The following EIF4E variants were observed in gnomAD, a reference collection of about 807,000 sequenced individuals.
EIF4E encodes eukaryotic translation initiation factor 4E.
For missense variants in EIF4E, 113 were observed against 265.6 expected (o/e 0.43, Z 3.99); for synonymous variants, 71 against 88.5 (o/e 0.80, Z 1.11).
In EIF4E at chr4:98,888,234, A is replaced by G. The variant is rs546017095; in HGVS notation, c.222-282T>C. Among the ~76,000 whole-genome samples, 64 of 152,342 alleles carry G rather than the reference A, an allele frequency of 4.2e-4. No individual in the cohort carries two copies. In the South Asian group the frequency reaches 7.5e-3, roughly 18 times the overall value. On this transcript the variant is annotated intron_variant, in intron 3 of 6. Transcript: ENST00000450253. ...ACTCAGTGCATACATATGTATATAT[A>G]TAAGAAACTGAGAAGAGAGGTATAA...
intron 2 of EIF4E, among the ~76,000 whole-genome samples, chr4:98,893,421 C>T (rs1397426101): frequency 6.6e-6 from 1 of 152,216 alleles, no homozygotes; most frequent in African/African-American, 2.4e-5. Context: ...GAATTTCTTT[C>T]AAAATTGGAG....
At chr4:98,886,370 T>C (rs1228624197) in intron 5 of EIF4E, 1 of 342,600 alleles carries the variant, frequency 2.9e-6, no homozygotes, top group South Asian at 2.3e-5. Context: ...TCACAACATG[T>C]AGGTCAAATG....
intron 6 of EIF4E, among the ~76,000 whole-genome samples, chr4:98,881,372 T>C (rs1723685923): frequency 6.6e-6 from 1 of 152,120 alleles, no homozygotes; most frequent in African/African-American, 2.4e-5. Flanking sequence ...AGGTATGTTA[T>C]TACTAAATTA....
At chr4:98,895,670 C>T (rs572544812) in intron 2 of EIF4E, 3 of 152,318 alleles carry the variant, frequency 2.0e-5, no homozygotes, top group South Asian at 2.1e-4. Context: ...AAACCACCAA[C>T]GAGGTCAAGT....
At chr4:98,926,846 T>A (rs960648649) in intron 1 of EIF4E, among the ~76,000 whole-genome samples, 8 of 152,224 alleles carry the variant, frequency 5.3e-5, no homozygotes, top group Non-Finnish European at 8.8e-5. Flanking sequence ...CTATTAATAT[T>A]TACTAACTCA....
intron 2 of EIF4E, among the ~76,000 whole-genome samples, chr4:98,900,007 T>A (rs1248639473): frequency 2.0e-5 from 3 of 151,506 alleles, no homozygotes; most frequent in East Asian, 1.9e-4. Flanking sequence ...TTTTTTTTTT[T>A]AAACTGATGA....
chr4:98,917,131 C>CAAA (rs1351581887), intron 1 of EIF4E, among the ~76,000 whole-genome samples: 2 of 52,558 alleles, frequency 3.8e-5, no homozygotes, highest in Non-Finnish European at 7.4e-5. Flanking sequence ...CACACACACA[C>CAAA]ACAAAAAAAA....
intron 1 of EIF4E, among the ~76,000 whole-genome samples, chr4:98,923,303 A>C (rs200657039): frequency 6.7e-6 from 1 of 149,666 alleles, no homozygotes; most frequent in Non-Finnish European, 1.5e-5. Flanking sequence ...CACACACGCA[A>C]AATCATTTTC....
chr4:98,915,937 T>C (rs1725358936), intron 1 of EIF4E, among the ~76,000 whole-genome samples: 1 of 150,866 alleles, frequency 6.6e-6, no homozygotes, highest in South Asian at 2.1e-4. Flanking sequence ...ATGCCTGTAA[T>C]CCCAGCACTT....
At chr4:98,899,218 T>G (rs1207969216) in intron 2 of EIF4E, among the ~76,000 whole-genome samples, 2 of 152,072 alleles carry the variant, frequency 1.3e-5, no homozygotes, top group African/African-American at 4.8e-5. Context: ...ATTCCATAAC[T>G]TGTTAGCTTG....
At chr4:98,903,360 GTT>G (rs377361249) in intron 1 of EIF4E, 112 of 383,686 alleles carry the variant, frequency 2.9e-4, no homozygotes, top group East Asian at 6.4e-4. Context: ...AAGAATATGG[GTT>G]TTTTTTTTTT....
chr4:98,901,463 C>A (rs541938382), intron 2 of EIF4E, among the ~76,000 whole-genome samples: 1 of 152,026 alleles, frequency 6.6e-6, no homozygotes, highest in African/African-American at 2.4e-5. Context: ...CCTCCGCCTC[C>A]GCCTCCTGAA....
chr4:98,884,750 A>T (rs1326830561), intron 6 of EIF4E, among the ~76,000 whole-genome samples, 172 bp downstream of exon 6: 1 of 152,066 alleles, frequency 6.6e-6, no homozygotes, highest in African/African-American at 2.4e-5. Context: ...AACCCAAAAA[A>T]ACAAGACGTT....
At chr4:98,889,157 C>CA (rs35752327) in intron 3 of EIF4E, among the ~76,000 whole-genome samples, 2,876 of 135,646 alleles carry the variant, frequency 0.021, 76 homozygotes, top group African/African-American at 0.068. Context: ...GACTCCATCT[C>CA]AAAAAAAAAA....
intron 1 of EIF4E, among the ~76,000 whole-genome samples, chr4:98,918,625 C>T (rs1181041107): frequency 1.3e-5 from 2 of 151,808 alleles, no homozygotes; most frequent in Admixed American, 6.6e-5. Context: ...GTTTATTTAT[C>T]CCAGTAATGT....
intron 1 of EIF4E, among the ~76,000 whole-genome samples, chr4:98,921,557 T>C (rs1579186441): frequency 6.6e-6 from 1 of 151,978 alleles, no homozygotes; most frequent in East Asian, 1.9e-4. Flanking sequence ...TTAGTAGAGA[T>C]TACAATGACA....
intron 1 of EIF4E, among the ~76,000 whole-genome samples, chr4:98,922,278 C>G (rs1020193870): frequency 1.3e-5 from 2 of 152,178 alleles, no homozygotes; most frequent in East Asian, 1.9e-4. Context: ...AATGAGTTAG[C>G]CTGGCGCGGT....
At chr4:98,928,999 A>C in intron 1 of EIF4E, 96 bp downstream of exon 1, 1 of 1,568,962 alleles carries the variant, frequency 6.4e-7, no homozygotes, top group Non-Finnish European at 8.6e-7. Context: ...CAAGGGGTAC[A>C]GTGCGCGCCG....
chr4:98,903,322 A>G (rs2110200826), intron 1 of EIF4E: 1 of 415,868 alleles, frequency 2.4e-6, no homozygotes, highest in South Asian at 1.8e-5. Flanking sequence ...AAGAATGCAG[A>G]GCAGAAAGGT....
Sources: allele counts gnomAD v4.1 joint callset (sites outside exome capture counted in the v4.1 genomes callset), GRCh38; gene constraint gnomAD v4.1.1; transcripts MANE v1.5; gene names NCBI Gene and HGNC (gene_info 2026-07-23, HGNC 2026-07-21).